Variants in OPRD1 observed in about 807,000 individuals in gnomAD.
The protein encoded by OPRD1 is opioid receptor delta 1.
Under a neutral mutation model 17.5 loss-of-function variants are expected in OPRD1, and 19 were observed. The observed-to-expected ratio is 1.09, with a 90% CI of 0.76 to 1.60. The LOEUF (loss-of-function observed/expected upper bound fraction) is 1.60, where lower values mean the gene tolerates loss of function less well. Ranked by LOEUF, OPRD1 falls within the 40% of genes most tolerant of loss-of-function variation. The probability of loss-of-function intolerance (pLI) is 0.00; values close to 1 mark genes in which losing one functional copy is unlikely to be tolerated. For missense variants in OPRD1, 483 were observed against 547.2 expected (o/e 0.88, Z 1.17); for synonymous variants, 256 against 240.9 (o/e 1.06, Z -0.58).
chr1:28,858,888 C>T, intron 1 of OPRD1, 66 bp from the exon 2 acceptor site: 1 of 1,457,888 alleles, frequency 6.9e-7, no homozygotes, highest in South Asian at 1.2e-5. Flanking sequence ...TACTTCCCTT[C>T]CTTGAGTTTC....
intron 1 of OPRD1, among the ~76,000 whole-genome samples, chr1:28,813,646 G>GA (rs2088650202): frequency 6.6e-6 from 1 of 152,152 alleles, no homozygotes; most frequent in Non-Finnish European, 1.5e-5. Flanking sequence ...GGGTTGAGAG[G>GA]AAAATTTCCA....
At chr1:28,855,883 A>C (rs990591152) in intron 1 of OPRD1, among the ~76,000 whole-genome samples, 2 of 152,216 alleles carry the variant, frequency 1.3e-5, no homozygotes, top group Non-Finnish European at 2.9e-5. Context: ...TTCCTTCTCC[A>C]GCCCCAGAGC....
At chr1:28,826,377 A>T (rs1444035230) in intron 1 of OPRD1, among the ~76,000 whole-genome samples, 5 of 151,988 alleles carry the variant, frequency 3.3e-5, no homozygotes, top group African/African-American at 4.8e-5. Context: ...TACAAAAATT[A>T]GCCGGGTGTG....
At chr1:28,833,592 T>C (rs995999079) in intron 1 of OPRD1, among the ~76,000 whole-genome samples, 1 of 152,186 alleles carries the variant, frequency 6.6e-6, no homozygotes, top group African/African-American at 2.4e-5. Flanking sequence ...TGGCAGATAC[T>C]AACCACAGCT....
chr1:28,838,674 G>A (rs1300830639), intron 1 of OPRD1, among the ~76,000 whole-genome samples: 2 of 152,068 alleles, frequency 1.3e-5, no homozygotes, highest in Non-Finnish European at 2.9e-5. Context: ...CTATGATATG[G>A]GTGCACCAGG....
At chr1:28,828,418 A>G (rs2088783631) in intron 1 of OPRD1, among the ~76,000 whole-genome samples, 1 of 151,624 alleles carries the variant, frequency 6.6e-6, no homozygotes, top group Non-Finnish European at 1.5e-5. Context: ...TGTACCATTT[A>G]TAGAGCACAG....
chr1:28,826,843 A>T (rs2088772549), intron 1 of OPRD1, among the ~76,000 whole-genome samples: 1 of 152,206 alleles, frequency 6.6e-6, no homozygotes, highest in African/African-American at 2.4e-5. Context: ...ATGCTGTTTG[A>T]TAGCATCTTA....
chr1:28,840,313 G>T (rs554731660), intron 1 of OPRD1, among the ~76,000 whole-genome samples: 1 of 152,190 alleles, frequency 6.6e-6, no homozygotes, highest in Admixed American at 6.5e-5. Context: ...GAGTGCAGTG[G>T]CGTAATCATA....
At chr1:28,827,532 C>T (rs2088776973) in intron 1 of OPRD1, among the ~76,000 whole-genome samples, 1 of 152,076 alleles carries the variant, frequency 6.6e-6, no homozygotes, top group African/African-American at 2.4e-5. Context: ...TAAGAAGCAA[C>T]TTCTCATCCA....
chr1:28,853,752 C>CT (rs34603985), intron 1 of OPRD1, among the ~76,000 whole-genome samples: 192 of 137,476 alleles, frequency 1.4e-3, no homozygotes, highest in Middle Eastern at 3.7e-3. Flanking sequence ...TTTTTTTTTT[C>CT]TTTTTTTTTT....
intron 1 of OPRD1, among the ~76,000 whole-genome samples, chr1:28,827,402 T>C (rs961600612): frequency 6.6e-6 from 1 of 152,072 alleles, no homozygotes; most frequent in African/African-American, 2.4e-5. Flanking sequence ...CGATCATAGC[T>C]CACTACAGCC....
chr1:28,840,655 C>G (rs1441437420), intron 1 of OPRD1, among the ~76,000 whole-genome samples: 1 of 152,122 alleles, frequency 6.6e-6, no homozygotes, highest in Non-Finnish European at 1.5e-5. Flanking sequence ...GGCGTGGTGG[C>G]TCATGCTTGT....
In OPRD1 at chr1:28,863,435, G is replaced by C; in HGVS notation, c.*152G>C. 1 of 895,806 alleles carries C rather than the reference G, an allele frequency of 1.1e-6. No individual in the cohort carries two copies. The highest frequency in any genetic ancestry group is 3.1e-5 in the East Asian group (1 of 31,900). The allele number at this position is 895,806 out of a possible 1,614,324, so 55.5% of individuals were successfully genotyped here. A position where few individuals can be genotyped will look rare whatever the true frequency, so the allele number is the denominator to read the frequency against. ...GGGCCTCTGTTTCGGAGACGGGACC[G>C]GGCCGCTAGATGGGCATGGGGTGGG... On this transcript the variant is annotated 3_prime_UTR_variant, in exon 3 of 3. Coordinates refer to ENST00000234961, the MANE Select transcript of OPRD1 (RefSeq NM_000911.4).
chr1:28,850,894 G>T (rs767046996), intron 1 of OPRD1, among the ~76,000 whole-genome samples: 6 of 151,796 alleles, frequency 4.0e-5, no homozygotes, highest in Non-Finnish European at 7.4e-5. Context: ...TATAACAAAA[G>T]AGGATGTGAG....
At chr1:28,818,434 T>A (rs2088687921) in intron 1 of OPRD1, among the ~76,000 whole-genome samples, 1 of 152,032 alleles carries the variant, frequency 6.6e-6, no homozygotes, top group African/African-American at 2.4e-5. Context: ...CCAGGGAGTC[T>A]CCAGACCCAG....
chr1:28,853,619 C>T (rs1234515031), intron 1 of OPRD1, among the ~76,000 whole-genome samples: 1 of 152,070 alleles, frequency 6.6e-6, no homozygotes, highest in Admixed American at 6.6e-5. Context: ...AGTGATTGCC[C>T]CTGGGGAACA....
At position 28,870,719 on chromosome 1, in the gene OPRD1, C is replaced by T. The variant is rs945204702; in HGVS notation, c.*7436C>T. ...CTCCTGCCCTCACCAGGACTGCCCT[C>T]TCAGGGACCCAAGAGGAAGGGACAG... On this transcript the variant is annotated 3_prime_UTR_variant, in exon 3 of 3. Transcript: ENST00000234961. 2.0e-5 allele frequency: 3 copies of T among 152,284 alleles called. No individual in the cohort carries two copies. The highest frequency in any genetic ancestry group is 7.2e-5 in the African/African-American group (3 of 41,462). The allele number at this position is 152,284 out of a possible 1,614,324, so 9.4% of individuals were successfully genotyped here. A position where few individuals can be genotyped will look rare whatever the true frequency, so the allele number is the denominator to read the frequency against.
At chr1:28,859,864 G>C in intron 2 of OPRD1, among the ~76,000 whole-genome samples, 1 of 152,218 alleles carries the variant, frequency 6.6e-6, no homozygotes. Context: ...GTAACTGCCT[G>C]TATCAGGGGA....
chr1:28,824,313 C>CTTTTTTT (rs58074384), intron 1 of OPRD1, among the ~76,000 whole-genome samples: 323 of 109,718 alleles, frequency 2.9e-3, no homozygotes, highest in Middle Eastern at 4.8e-3. Context: ...TTTCTTTTTT[C>CTTTTTTT]TTTTTTTTTT....
Sources: allele counts gnomAD v4.1 joint callset (sites outside exome capture counted in the v4.1 genomes callset), GRCh38; gene constraint gnomAD v4.1.1; transcripts MANE v1.5; gene names NCBI Gene and HGNC (gene_info 2026-07-23, HGNC 2026-07-21).